Variants in MGAT4C observed in about 807,000 individuals in gnomAD.
The protein encoded by MGAT4C is MGAT4 family member C.
A neutral mutation model predicts 40.1 loss-of-function variants in MGAT4C; 19 were observed. The ratio of observed to expected loss-of-function variants is 0.47; its 90% CI spans 0.33 to 0.70. The LOEUF is 0.70. MGAT4C is among the 30% of genes least tolerant of loss of function. MGAT4C has a pLI of 0.02. For synonymous variants in MGAT4C, 181 were observed against 187.1 expected, an observed-to-expected ratio of 0.97 and a Z score of 0.27; for missense variants, 491 against 563.2, an observed-to-expected ratio of 0.87 and a Z score of 1.30.
intron 2 of MGAT4C, among the ~76,000 whole-genome samples, chr12:86,555,887 C>G (rs1165410549): frequency 1.3e-5 from 2 of 152,158 alleles, no homozygotes; most frequent in Non-Finnish European, 2.9e-5. Flanking sequence ...ATTCCTTTGA[C>G]TCCCCCTGAC....
intron 4 of MGAT4C, among the ~76,000 whole-genome samples, chr12:86,312,373 A>G (rs1386389401): frequency 6.6e-6 from 1 of 152,226 alleles, no homozygotes; most frequent in Admixed American, 6.5e-5. Context: ...CATAATAGCT[A>G]TCACTCTTTG....
rs1882859381 is a variant in MGAT4C, at chr12:85,957,530, TTAGCTGTG to T, written c.*21751_*21758del. On this transcript the variant is annotated 3_prime_UTR_variant, in exon 5 of 5. Coordinates refer to ENST00000611864, the MANE Select transcript of MGAT4C (RefSeq NM_001351288.2). ...TTATTAAGCATGCTACATATATCTG[TTAGCTGTG>T]AAGGAAGACAAAAATTGACCTTTAT... 6.6e-6 allele frequency: 1 copy of T among 152,070 alleles called. No individual in the cohort carries two copies. Among genetic ancestry groups the T allele is most frequent in the Non-Finnish European group, 1.5e-5 (1 of 68,010 alleles). The allele number at this position is 152,070 out of a possible 1,614,324, so 9.4% of individuals were successfully genotyped here.
At chr12:86,075,062 G>T (rs1869417974) in intron 1 of MGAT4C, among the ~76,000 whole-genome samples, 1 of 152,058 alleles carries the variant, frequency 6.6e-6, no homozygotes, top group Non-Finnish European at 1.5e-5. Context: ...ACTCATTTCA[G>T]CATTAACCCA....
chr12:86,472,795 T>G (rs1435126989), intron 2 of MGAT4C, among the ~76,000 whole-genome samples: 1 of 152,074 alleles, frequency 6.6e-6, no homozygotes, highest in Non-Finnish European at 1.5e-5. Flanking sequence ...CAAGTATAAA[T>G]TTTGAGTCAC....
At chr12:86,298,563 A>T (rs1371445850) in intron 4 of MGAT4C, among the ~76,000 whole-genome samples, 2 of 152,296 alleles carry the variant, frequency 1.3e-5, no homozygotes, top group East Asian at 3.9e-4. Flanking sequence ...TATTATAATA[A>T]ACACTGGAAG....
chr12:86,163,349 G>A (rs1382024559), intron 1 of MGAT4C, among the ~76,000 whole-genome samples: 2 of 151,804 alleles, frequency 1.3e-5, no homozygotes, highest in Non-Finnish European at 2.9e-5. Flanking sequence ...ACACCACCAT[G>A]TTAGGCCAAT....
rs1478134610 is a variant in MGAT4C, at chr12:86,333,542, C to T, written c.-57+523G>A. On this transcript the variant is annotated intron_variant, in intron 4 of 7. Transcript: ENST00000548651. ...AGGCCAAACAGTGAGCAGAGATGGCCACCATTAGCGAGTAGCCAAAAGACA... is the reference window on the plus strand; with the variant it reads ...AGGCCAAACAGTGAGCAGAGATGGCTACCATTAGCGAGTAGCCAAAAGACA... 2.6e-5 allele frequency among the ~76,000 whole-genome samples: 4 copies of T among 152,096 alleles called. 1 individual carries two copies. The highest frequency in any genetic ancestry group is 5.9e-5 in the Non-Finnish European group (4 of 68,006).
intron 2 of MGAT4C, among the ~76,000 whole-genome samples, chr12:86,683,631 T>G (rs1950022015): frequency 6.6e-6 from 1 of 152,202 alleles, no homozygotes; most frequent in Non-Finnish European, 1.5e-5. Flanking sequence ...ATTTGTCTTA[T>G]GTTAAAAACA....
At chr12:86,420,902 C>T (rs749967218) in intron 3 of MGAT4C, among the ~76,000 whole-genome samples, 30 of 148,164 alleles carry the variant, frequency 2.0e-4, no homozygotes, top group South Asian at 1.5e-3. Context: ...TATATACATA[C>T]GTGTATATGT....
intron 2 of MGAT4C, among the ~76,000 whole-genome samples, chr12:86,680,007 C>T (rs936577352): frequency 6.6e-6 from 1 of 151,952 alleles, no homozygotes; most frequent in African/African-American, 2.4e-5. Flanking sequence ...TCACTGATCA[C>T]ACAGGTCTTC....
chr12:86,461,526 T>C (rs918404781), intron 2 of MGAT4C, among the ~76,000 whole-genome samples: 2 of 152,144 alleles, frequency 1.3e-5, no homozygotes, highest in Non-Finnish European at 2.9e-5. Flanking sequence ...ATTACAGGCG[T>C]GAGCCACTGC....
chr12:86,088,698 G>A (rs1325358878), intron 1 of MGAT4C, among the ~76,000 whole-genome samples: 1 of 97,904 alleles, frequency 1.0e-5, no homozygotes, highest in Non-Finnish European at 2.2e-5. Context: ...CATATTAAAA[G>A]GGCCAACTAT....
At chr12:86,040,378 T>A (rs1891680435) in intron 2 of MGAT4C, among the ~76,000 whole-genome samples, 1 of 152,200 alleles carries the variant, frequency 6.6e-6, no homozygotes, top group Admixed American at 6.5e-5. Context: ...GTGGGGCTTT[T>A]ATCTGTAAGT....
intron 1 of MGAT4C, among the ~76,000 whole-genome samples, chr12:86,813,720 C>T (rs757607553): frequency 2.6e-4 from 39 of 152,106 alleles, no homozygotes; most frequent in Middle Eastern, 6.8e-3. Flanking sequence ...TCATCCAAAA[C>T]TATGTTGTGT....
At chr12:86,610,022 T>A (rs140431000) in intron 2 of MGAT4C, among the ~76,000 whole-genome samples, 1 of 152,336 alleles carries the variant, frequency 6.6e-6, no homozygotes, top group East Asian at 1.9e-4. Context: ...GGTCTAGGTT[T>A]GTCAAACAAG....
chr12:86,485,796 G>A (rs1958009979), intron 2 of MGAT4C, among the ~76,000 whole-genome samples: 1 of 152,016 alleles, frequency 6.6e-6, no homozygotes, highest in South Asian at 2.1e-4. Flanking sequence ...CAAGATCAGT[G>A]AAGGAAAATA....
intron 2 of MGAT4C, among the ~76,000 whole-genome samples, chr12:86,572,358 A>C (rs554218742): frequency 6.6e-6 from 1 of 152,208 alleles, no homozygotes; most frequent in South Asian, 2.1e-4. Context: ...TTTTGTACTC[A>C]ATCAGTCATA....
chr12:86,560,657 G>A (rs4439584), intron 2 of MGAT4C, among the ~76,000 whole-genome samples: 129,488 of 152,100 alleles, frequency 0.85, 55,646 homozygotes, highest in East Asian at 0.96. Context: ...AAAAAGTCAT[G>A]TATGACAAGC....
intron 2 of MGAT4C, among the ~76,000 whole-genome samples, chr12:86,696,795 T>C (rs983122819): frequency 3.3e-5 from 5 of 152,200 alleles, no homozygotes; most frequent in African/African-American, 1.2e-4. Context: ...CTCATGAGTT[T>C]TTTTTTAATA....
Sources: gnomAD v4.1 joint callset for allele counts (sites outside exome capture counted in the v4.1 genomes callset) on GRCh38, gnomAD v4.1.1 for gene constraint, MANE v1.5 for transcripts, NCBI Gene and HGNC (gene_info 2026-07-23, HGNC 2026-07-21) for gene names.